The following LTA4H variants were observed in gnomAD, a reference collection of about 807,000 sequenced individuals.
The protein encoded by LTA4H is leukotriene A4 hydrolase, also known as leukotriene A-4 hydrolase.
LTA4H carries 59 observed loss-of-function variants against 89.8 expected under a neutral mutation model. The ratio of observed to expected loss-of-function variants is 0.66; its 90% CI spans 0.53 to 0.82. The LOEUF (loss-of-function observed/expected upper bound fraction) is 0.82. Among genes scored for constraint, LTA4H ranks in the 40% least tolerant of loss-of-function variants. LTA4H has a pLI of 0.00. For missense variants in LTA4H, 617 were observed against 727.0 expected (o/e 0.85, Z 1.74); for synonymous variants, 227 against 253.1 (o/e 0.90, Z 0.98).
rs190212485 is a variant in LTA4H, at chr12:96,018,711, T to C, written c.852+52A>G. The C allele has an allele frequency of 5.7e-5, 81 of 1,426,792 alleles. 1 individual carries two copies. The African/African-American group carries it at 1.0e-3, about 18-fold the overall frequency. 88.4% of individuals were successfully genotyped at this position (1,426,792 alleles called of 1,614,324 possible). A position where few individuals can be genotyped will look rare whatever the true frequency, so the allele number is the denominator to read the frequency against. On this transcript the variant is annotated intron_variant, in intron 8 of 18. Coordinates refer to ENST00000228740, the MANE Select transcript of LTA4H (RefSeq NM_000895.3). ...CATATTATTAGGACTCCTAAGGTTC[T>C]TAAGTTTATTTTTGAAACGTCAATT... is the stretch of plus-strand genomic sequence containing the variant.
intron 1 of LTA4H, 139 bp downstream of exon 1, chr12:96,035,222 C>T: frequency 2.4e-6 from 2 of 830,968 alleles, no homozygotes; most frequent in South Asian, 1.8e-5. Context: ...TGGATGGAGG[C>T]TACAGAAGAG....
At chr12:96,037,511 G>T (rs1186493954), upstream of LTA4H, among the ~76,000 whole-genome samples, 2 of 152,138 alleles carry the variant, frequency 1.3e-5, no homozygotes, top group Admixed American at 6.5e-5. Flanking sequence ...AGTGGGGTGA[G>T]AATGGGGAAG....
At chr12:96,035,664 A>T, upstream of LTA4H, 1 of 1,430,436 alleles carries the variant, frequency 7.0e-7, no homozygotes, top group Non-Finnish European at 9.2e-7. Flanking sequence ...AGTTTCTTAA[A>T]GTCAGACGAG....
chr12:96,011,043 A>G (rs1430292680), intron 14 of LTA4H: 1 of 152,242 alleles, frequency 6.6e-6, no homozygotes, highest in Non-Finnish European at 1.5e-5. Flanking sequence ...GAATGATTCC[A>G]GGGTTCCTCC....
intron 16 of LTA4H, 24 bp from the exon 17 acceptor site, chr12:96,003,944 AC>A (rs1259548944): frequency 6.9e-7 from 1 of 1,452,450 alleles, no homozygotes. Flanking sequence ...AAAGAAGTAT[AC>A]CGTATCATTT....
At chr12:96,013,335 T>C in intron 13 of LTA4H, 77 bp from the exon 14 acceptor site, 1 of 854,800 alleles carries the variant, frequency 1.2e-6, no homozygotes, top group Non-Finnish European at 1.9e-6. Context: ...TGTAAGTCCT[T>C]AGATATATAA....
chr12:96,027,035 C>T (rs1274489084), intron 3 of LTA4H, among the ~76,000 whole-genome samples: 1 of 152,110 alleles, frequency 6.6e-6, no homozygotes, highest in Admixed American at 6.5e-5. Flanking sequence ...TACCTCTGGG[C>T]AATGGTGTCT....
intron 14 of LTA4H, chr12:96,010,855 G>A (rs1272245673): frequency 6.6e-6 from 1 of 152,160 alleles, no homozygotes; most frequent in Admixed American, 6.5e-5. Context: ...CTTGGACAGT[G>A]GTAGTAGAAA....
At chr12:96,015,030 T>A (rs1208791577) in intron 11 of LTA4H, 31 bp from the exon 12 acceptor site, 1 of 1,601,746 alleles carries the variant, frequency 6.2e-7, no homozygotes, top group Admixed American at 1.7e-5. Flanking sequence ...TGGAGAAACA[T>A]ATAGAAAGAC....
At chr12:96,041,736 G>A (rs928484827) in intron 1 of LTA4H, among the ~76,000 whole-genome samples, 5 of 152,132 alleles carry the variant, frequency 3.3e-5, no homozygotes, top group African/African-American at 4.8e-5. Flanking sequence ...CCGCCTCCCG[G>A]GTTCACGCCA....
intron 1 of LTA4H, among the ~76,000 whole-genome samples, chr12:96,042,271 C>G (rs1336424819): frequency 6.6e-6 from 1 of 152,168 alleles, no homozygotes; most frequent in Non-Finnish European, 1.5e-5. Flanking sequence ...CCAGAAAGTG[C>G]TGGTATGGCA....
At chr12:96,043,413 A>G in exon 1 of LTA4H, 4 of 1,314,958 alleles carry the variant, frequency 3.0e-6, no homozygotes, top group Non-Finnish European at 4.2e-6. Flanking sequence ...AGGAGGAGAG[A>G]AAATAAACTC....
chr12:96,026,668 G>A (rs1422985283), intron 3 of LTA4H, among the ~76,000 whole-genome samples: 1 of 152,176 alleles, frequency 6.6e-6, no homozygotes, highest in Admixed American at 6.5e-5. Flanking sequence ...AAATGGACTT[G>A]TATTGAAATT....
chr12:96,019,585 ATTTTTT>A (rs755971682), intron 6 of LTA4H, among the ~76,000 whole-genome samples: 15 of 99,374 alleles, frequency 1.5e-4, no homozygotes, highest in East Asian at 1.4e-3. Flanking sequence ...ATAAGAAACT[ATTTTTT>A]TTTTTTTTTT....
intron 10 of LTA4H, 52 bp downstream of exon 10, chr12:96,016,992 A>C: frequency 8.5e-7 from 1 of 1,182,928 alleles, no homozygotes; most frequent in African/African-American, 1.5e-5. Context: ...GGAGGCAGGG[A>C]AAAAAAAATC....
In LTA4H at chr12:96,017,050, T is replaced by C. The variant is rs1950388831; in HGVS notation, c.941A>G (p.His314Arg). 6.2e-7 allele frequency: 1 copy of C among 1,609,694 alleles called. No homozygotes were observed. The highest frequency in any genetic ancestry group is 8.5e-7 in the Non-Finnish European group (1 of 1,176,116). ...ATAATAACAAAAATCTTACCAAAAGTGATCCCAAGTTTTGTTGGTCACTAG... is the reference window on the plus strand; with the variant it reads ...ATAATAACAAAAATCTTACCAAAAGCGATCCCAAGTTTTGTTGGTCACTAG... ...GNLVTNKTWD[H>R]FWLNEGHTVY... The change falls in exon 10 of 19, where the codon CAC (histidine) becomes CGC (arginine). Residue 314 changes from histidine to arginine, a missense_variant. His to Arg is a conservative substitution (Grantham distance 29, BLOSUM62 0). Transcript: ENST00000228740.
In LTA4H at chr12:96,035,273, G is replaced by A. The variant is rs527253755; in HGVS notation, c.159+88C>T. The stretch of plus-strand genomic sequence containing the variant: ...GGCTAGGCAGGGGCCGCGGCGGGGT[G>A]AGCCGGAGATCCGGGAGCCCGCAAG... On this transcript the variant is annotated intron_variant, in intron 1 of 18. Coordinates refer to ENST00000228740, the MANE Select transcript of LTA4H (RefSeq NM_000895.3). The A allele has an allele frequency of 1.6e-3, 2,203 of 1,380,802 alleles. 3 individuals are homozygous for A. The highest frequency in any genetic ancestry group is 2.0e-3 in the Non-Finnish European group (2,009 of 1,024,736). 85.5% of individuals were successfully genotyped at this position (1,380,802 alleles called of 1,614,324 possible).
chr12:96,023,457 C>G (rs1950477127), intron 4 of LTA4H, among the ~76,000 whole-genome samples: 1 of 152,120 alleles, frequency 6.6e-6, no homozygotes, highest in Non-Finnish European at 1.5e-5. Context: ...TTCAAGTGAT[C>G]TTCCCACCTC....
At chr12:96,029,748 G>A (rs1406875040) in intron 1 of LTA4H, among the ~76,000 whole-genome samples, 16 of 152,108 alleles carry the variant, frequency 1.1e-4, no homozygotes. Context: ...ACTGCTTTGG[G>A]CATGAAGGAG....
Sources: allele counts gnomAD v4.1 joint callset (sites outside exome capture counted in the v4.1 genomes callset), GRCh38; gene constraint gnomAD v4.1.1; transcripts MANE v1.5; gene names NCBI Gene and HGNC (gene_info 2026-07-23, HGNC 2026-07-21).